NTM: variants seen among roughly 807,000 people sequenced by gnomAD.
NTM encodes IgLON family member 2.
Under a neutral mutation model 42.1 loss-of-function variants are expected in NTM, and 13 were observed. The observed-to-expected ratio is 0.31, with a 90% confidence interval of 0.20 to 0.49. NTM has a LOEUF of 0.49. Among genes scored for constraint, NTM ranks in the 20% least tolerant of loss-of-function variants. The pLI, the probability that NTM is intolerant of heterozygous loss-of-function variation, is 0.99. For synonymous variants in NTM, 187 were observed against 179.2 expected, an observed-to-expected ratio of 1.04 and a Z score of -0.35; for missense variants, 373 against 452.8, an observed-to-expected ratio of 0.82 and a Z score of 1.60.
At chr11:132,210,330 T>C (rs1393682434) in intron 3 of NTM, among the ~76,000 whole-genome samples, 1 of 152,190 alleles carries the variant, frequency 6.6e-6, no homozygotes, top group Admixed American at 6.5e-5. Flanking sequence ...AAAGAATATC[T>C]GCCAATGACC....
At position 132,083,784 on chromosome 11, in the gene NTM, C is replaced by A. The variant is rs369339892; in HGVS notation, c.168-62498C>A. On this transcript the variant is annotated intron_variant, in intron 2 of 8. Transcript: ENST00000683400. ...TGCAAAAGAAAATGGATTCTTATTG[C>A]ACTGATGCAAATAACCATATTGCCA... Among the ~76,000 whole-genome samples, 16 of 152,298 alleles carry A rather than the reference C, an allele frequency of 1.1e-4. No homozygotes were observed. In the East Asian group the frequency reaches 3.1e-3, roughly 29 times the overall value.
chr11:132,002,145 C>G lies in NTM; in HGVS notation c.167+90497C>G, dbSNP rs1278734958. Among the ~76,000 whole-genome samples, 1 of 152,130 alleles carries G rather than the reference C, an allele frequency of 6.6e-6. No individual in the cohort carries two copies. The highest frequency in any genetic ancestry group is 1.5e-5 in the Non-Finnish European group (1 of 68,044). On this transcript the variant is annotated intron_variant, in intron 2 of 8. Transcript: ENST00000683400. The surrounding 1 kb of genome is among the most constrained non-coding windows in gnomAD (Gnocchi z 4.5). ...TTATGCTGCCTGAAGAGGGTGGAGG[C>G]TCTTCAAATGTCCGATTAAAGGTAT...
At chr11:131,878,975 A>T (rs1162802176) in intron 1 of NTM, among the ~76,000 whole-genome samples, 1 of 152,050 alleles carries the variant, frequency 6.6e-6, no homozygotes, top group East Asian at 1.9e-4. Flanking sequence ...CAGGAAATTG[A>T]CACTGATGTC....
intron 1 of NTM, chr11:131,796,121 C>G (rs1362709652): frequency 1.0e-6 from 1 of 985,240 alleles, no homozygotes; most frequent in African/African-American, 1.7e-5. Context: ...GAACTGGCCA[C>G]AGGAAGTTGA....
intron 1 of NTM, among the ~76,000 whole-genome samples, chr11:131,489,853 A>C (rs1383701938): frequency 5.3e-5 from 8 of 152,222 alleles, no homozygotes; most frequent in Non-Finnish European, 1.2e-4. Flanking sequence ...TCTCTGCCTT[A>C]GTCTTTTTCT....
chr11:131,905,422 T>C (rs2053726701), intron 1 of NTM, among the ~76,000 whole-genome samples: 1 of 152,220 alleles, frequency 6.6e-6, no homozygotes, highest in Admixed American at 6.5e-5. Flanking sequence ...GAGCACCGTC[T>C]GAGGCTGTCA....
At chr11:131,488,703 A>G (rs1230649617) in intron 1 of NTM, among the ~76,000 whole-genome samples, 2 of 152,128 alleles carry the variant, frequency 1.3e-5, no homozygotes, top group Non-Finnish European at 2.9e-5. Context: ...TGTGGAAAAT[A>G]TATTCCCCCT....
At chr11:131,809,014 A>G (rs914240376) in intron 1 of NTM, among the ~76,000 whole-genome samples, 2 of 152,234 alleles carry the variant, frequency 1.3e-5, no homozygotes, top group Non-Finnish European at 2.9e-5. Context: ...CTTTTTATGA[A>G]CTGGAAAATA....
intron 4 of NTM, among the ~76,000 whole-genome samples, chr11:132,250,339 G>A (rs190720587): frequency 4.8e-4 from 73 of 152,234 alleles, no homozygotes; most frequent in African/African-American, 1.5e-3. Flanking sequence ...GCAAGTTCAC[G>A]ATGCTGTGTT....
intron 2 of NTM, among the ~76,000 whole-genome samples, chr11:132,005,905 C>G (rs1011895343): frequency 6.6e-6 from 1 of 152,148 alleles, no homozygotes; most frequent in Non-Finnish European, 1.5e-5. Flanking sequence ...AATTTTAAAA[C>G]AACAATAACC....
At chr11:132,032,563 A>T (rs1045482099) in intron 2 of NTM, among the ~76,000 whole-genome samples, 2 of 152,130 alleles carry the variant, frequency 1.3e-5, no homozygotes, top group Non-Finnish European at 2.9e-5. Context: ...GGTAAGAGCC[A>T]TCGCTCTTCC....
At chr11:131,511,593 A>G (rs1246175564) in intron 1 of NTM, among the ~76,000 whole-genome samples, 1 of 152,172 alleles carries the variant, frequency 6.6e-6, no homozygotes, top group African/African-American at 2.4e-5. Context: ...AGAAACCCCG[A>G]GGTTATACAT....
At chr11:131,831,108 G>A (rs144912070) in intron 1 of NTM, among the ~76,000 whole-genome samples, 2,826 of 152,212 alleles carry the variant, frequency 0.019, 74 homozygotes, top group African/African-American at 0.063. Flanking sequence ...CACATCATCA[G>A]CAAAGAAAGA....
At chr11:131,552,158 G>C (rs1021068877) in intron 1 of NTM, among the ~76,000 whole-genome samples, 1 of 152,146 alleles carries the variant, frequency 6.6e-6, no homozygotes, top group African/African-American at 2.4e-5. Context: ...GGAAGGGAGA[G>C]AGACAGGGTC....
At chr11:132,220,377 A>C (rs550283478) in intron 4 of NTM, among the ~76,000 whole-genome samples, 1 of 152,344 alleles carries the variant, frequency 6.6e-6, no homozygotes, top group Admixed American at 6.5e-5. Flanking sequence ...AATTACTGCT[A>C]GATAGATGCA....
chr11:131,844,222 G>A (rs2044645367), intron 1 of NTM, among the ~76,000 whole-genome samples: 1 of 152,112 alleles, frequency 6.6e-6, no homozygotes, highest in African/African-American at 2.4e-5. Context: ...ATGTGAGACA[G>A]GGGCCTTGGG....
At chr11:131,725,651 G>A (rs1221060432) in intron 1 of NTM, among the ~76,000 whole-genome samples, 2 of 152,178 alleles carry the variant, frequency 1.3e-5, no homozygotes, top group Admixed American at 1.3e-4. Context: ...GACAGTGAGG[G>A]CCACTGGGTC....
chr11:132,289,869 C>A (rs967026864), intron 4 of NTM, among the ~76,000 whole-genome samples: 2 of 152,178 alleles, frequency 1.3e-5, no homozygotes, highest in African/African-American at 4.8e-5. Context: ...GTCTTACAAG[C>A]CTTATCTTTC....
chr11:131,927,643 C>T (rs1414072934), intron 2 of NTM, among the ~76,000 whole-genome samples: 2 of 152,178 alleles, frequency 1.3e-5, no homozygotes, highest in Non-Finnish European at 2.9e-5. Flanking sequence ...ATACTATTCA[C>T]AACATGGGGT....
Sources: allele counts gnomAD v4.1 joint callset (sites outside exome capture counted in the v4.1 genomes callset), GRCh38; gene constraint gnomAD v4.1.1; non-coding constraint Gnocchi (gnomAD v3.1); transcripts MANE v1.5; gene names NCBI Gene and HGNC (gene_info 2026-07-23, HGNC 2026-07-21).